Variants in ATG7 observed in about 807,000 individuals in gnomAD.
ATG7 encodes ubiquitin-like modifier-activating enzyme ATG7.
ATG7 carries 70 observed loss-of-function variants against 82.4 expected under a neutral mutation model. The observed-to-expected ratio is 0.85, with a 90% CI of 0.70 to 1.04. The LOEUF is 1.04. Among genes scored for constraint, ATG7 ranks in the 50% least tolerant of loss-of-function variants. ATG7 has a pLI of 0.00. For missense variants in ATG7, 792 were observed against 864.3 expected (o/e 0.92, Z 1.05); for synonymous variants, 287 against 313.0 (o/e 0.92, Z 0.88).
the ATG7 span, among the ~76,000 whole-genome samples, chr3:11,573,273 A>G: frequency 0.36 from 8,034 of 22,086 alleles, 1,058 homozygotes; most frequent in South Asian, 0.57. Flanking sequence ...GAAAGAAAGA[A>G]AGAAAGAAAG....
At position 11,315,478 on chromosome 3, in the gene ATG7, A is replaced by G. The variant is rs1339162150; in HGVS notation, c.663A>G (p.Gln221=). 6 of 1,598,506 alleles carry G rather than the reference A, an allele frequency of 3.8e-6. No homozygotes were observed. Among genetic ancestry groups the G allele is most frequent in the East Asian group, 4.5e-5 (2 of 44,616 alleles). Reference sequence around the variant, plus strand: ...TTAAACACTACAGTGATTTCTTCCAAGGTCAAAGGACGAAGGTCAGATAAA... The same window carrying G: ...TTAAACACTACAGTGATTTCTTCCAGGGTCAAAGGACGAAGGTCAGATAAA... ...SLLKHYSDFF[Q]GQRTKITIGV... The change falls in exon 9 of 21, where the codon CAA becomes CAG. Residue 221 remains glutamine, a synonymous_variant. Transcript: ENST00000693202.
rs2076229454 is a variant in ATG7, at chr3:11,360,684, C to T, written c.1583C>T (p.Pro528Leu). The T allele has an allele frequency of 6.2e-7, 1 of 1,614,182 alleles. No homozygotes were observed. The highest frequency in any genetic ancestry group is 1.7e-5 in the Admixed American group (1 of 60,022). Residue 528 changes from proline to leucine, a missense_variant, in exon 16 of 21, where the codon CCT (proline) becomes CTT (leucine). Coordinates refer to ENST00000693202, the MANE Select transcript of ATG7 (RefSeq NM_001349232.2). ...GCTGGGGACTTGTGTCCAAACCACC[C>T]TGTGGCATCTGCTGACCTCCTGGGC... ...QGAGDLCPNH[P>L]VASADLLGSS... is the part of the protein sequence containing the mutation.
At chr3:11,295,591 G>A (rs1434476543) in intron 3 of ATG7, among the ~76,000 whole-genome samples, 1 of 152,026 alleles carries the variant, frequency 6.6e-6, no homozygotes, top group East Asian at 1.9e-4. Context: ...AGCCACCACC[G>A]CACTCCTTTT....
At chr3:11,369,323 C>G (rs2076842740) in intron 18 of ATG7, among the ~76,000 whole-genome samples, 1 of 150,956 alleles carries the variant, frequency 6.6e-6, no homozygotes, top group African/African-American at 2.4e-5. Context: ...CTAAACCTCT[C>G]TGGTTGATGA....
chr3:11,439,069 CTTTTTTT>C (rs67206280), intron 20 of ATG7, among the ~76,000 whole-genome samples: 1 of 121,976 alleles, frequency 8.2e-6, no homozygotes, highest in African/African-American at 3.1e-5. Flanking sequence ...TTCTTTCTTT[CTTTTTTT>C]TTTTTTTTTT....
chr3:11,387,045 C>T (rs1365830797), intron 19 of ATG7, among the ~76,000 whole-genome samples: 2 of 152,232 alleles, frequency 1.3e-5, no homozygotes, highest in Non-Finnish European at 2.9e-5. Context: ...ATCCAGTTCC[C>T]TGTGGCCAAG....
chr3:11,273,143 G>A (rs969441516), intron 1 of ATG7, among the ~76,000 whole-genome samples: 3 of 152,222 alleles, frequency 2.0e-5, no homozygotes, highest in Non-Finnish European at 2.9e-5. Flanking sequence ...TTAAAAATTG[G>A]CAAGTAATTC....
chr3:11,474,796 G>A (rs1456735738), intron 20 of ATG7, among the ~76,000 whole-genome samples: 2 of 152,104 alleles, frequency 1.3e-5, no homozygotes, highest in African/African-American at 4.8e-5. Context: ...GATGACCCTC[G>A]TCTAGGCGGA....
chr3:11,573,744 G>A, the ATG7 span, among the ~76,000 whole-genome samples: 1 of 152,186 alleles, frequency 6.6e-6, no homozygotes, highest in African/African-American at 2.4e-5. Flanking sequence ...ACTTTATGCT[G>A]TGAACTGCCT....
At chr3:11,564,196 T>G in the ATG7 span, among the ~76,000 whole-genome samples, 2 of 152,236 alleles carry the variant, frequency 1.3e-5, no homozygotes, top group Admixed American at 1.3e-4. Context: ...TAAAAAGATT[T>G]GTTTCTACCA....
At chr3:11,428,219 G>A (rs1470999584) in intron 20 of ATG7, among the ~76,000 whole-genome samples, 1 of 152,220 alleles carries the variant, frequency 6.6e-6, no homozygotes, top group Non-Finnish European at 1.5e-5. Context: ...TCCATAGGTT[G>A]CATATCCTCA....
At position 11,330,279 on chromosome 3, in the gene ATG7, G is replaced by A. The variant is rs555977279; in HGVS notation, c.679-1061G>A. On this transcript the variant is annotated intron_variant, in intron 9 of 20. Coordinates refer to ENST00000693202, the MANE Select transcript of ATG7 (RefSeq NM_001349232.2). The stretch of plus-strand genomic sequence containing the variant: ...AGGTTTAAATTTTGCTTCTGAAGAG[G>A]CCAGTATTTGCTTATATAGTTTGGA... Among the ~76,000 whole-genome samples the A allele has an allele frequency of 1.6e-3, 238 of 152,212 alleles. 1 individual carries two copies. Among genetic ancestry groups the A allele is most frequent in the Admixed American group, 2.0e-3 (31 of 15,288 alleles).
chr3:11,318,613 ACTTAAAACC>A, intron 9 of ATG7, among the ~76,000 whole-genome samples: 2 of 152,234 alleles, frequency 1.3e-5, no homozygotes, highest in Non-Finnish European at 2.9e-5. Flanking sequence ...TAACTCTTCT[ACTTAAAACC>A]CTTCTAAGGT....
chr3:11,506,357 G>A (rs989570104), intron 20 of ATG7, among the ~76,000 whole-genome samples: 1 of 152,094 alleles, frequency 6.6e-6, no homozygotes, highest in Non-Finnish European at 1.5e-5. Context: ...TGCACTGGCC[G>A]CATTTCAAGT....
chr3:11,283,405 C>T (rs1409720076), intron 3 of ATG7, among the ~76,000 whole-genome samples: 2 of 152,134 alleles, frequency 1.3e-5, no homozygotes, highest in African/African-American at 4.8e-5. Context: ...GTAGCAAGCA[C>T]CTCACAAACA....
chr3:11,490,972 G>A (rs185309819), intron 20 of ATG7, among the ~76,000 whole-genome samples: 1 of 152,260 alleles, frequency 6.6e-6, no homozygotes, highest in African/African-American at 2.4e-5. Flanking sequence ...TTCTTGAGGA[G>A]TATCTTTGTG....
the ATG7 span, among the ~76,000 whole-genome samples, chr3:11,564,401 T>C: frequency 0.048 from 3,070 of 64,356 alleles, 108 homozygotes; most frequent in African/African-American, 0.1. Context: ...AGGAGAAACG[T>C]AGGACCCCCC....
chr3:11,301,683 T>TA (rs151278045), intron 5 of ATG7, among the ~76,000 whole-genome samples: 52 of 152,332 alleles, frequency 3.4e-4, no homozygotes, highest in African/African-American at 1.2e-3. Flanking sequence ...CAAACTAACT[T>TA]ATTTTGGAGC....
intron 20 of ATG7, among the ~76,000 whole-genome samples, chr3:11,459,530 A>T (rs1287853086): frequency 6.6e-6 from 1 of 151,858 alleles, no homozygotes; most frequent in Admixed American, 6.6e-5. Flanking sequence ...ATGTTAGGAA[A>T]CTTAAACTCT....
Sources: allele counts gnomAD v4.1 joint callset (sites outside exome capture counted in the v4.1 genomes callset), GRCh38; gene constraint gnomAD v4.1.1; transcripts MANE v1.5; gene names NCBI Gene and HGNC (gene_info 2026-07-23, HGNC 2026-07-21).